ADARB2: variants seen among roughly 807,000 people sequenced by gnomAD.
The protein encoded by ADARB2 is adenosine deaminase RNA specific B2 (inactive), also known as inactive double-stranded RNA-specific editase B2.
In ADARB2, 25 loss-of-function variants were observed where a neutral mutation model predicts 62.2. The ratio of observed to expected loss-of-function variants is 0.40; its 90% confidence interval spans 0.29 to 0.56. The LOEUF is 0.56. Among genes scored for constraint, ADARB2 ranks in the 20% least tolerant of loss-of-function variants. ADARB2 has a pLI of 0.43. For missense variants in ADARB2, 1,071 were observed against 1,077.4 expected, an observed-to-expected ratio of 0.99 and a Z score of 0.08; for synonymous variants, 572 against 500.8, an observed-to-expected ratio of 1.14 and a Z score of -1.90.
intron 1 of ADARB2, among the ~76,000 whole-genome samples, chr10:1,634,218 C>T (rs1267077548): frequency 6.6e-6 from 1 of 152,208 alleles, no homozygotes; most frequent in Admixed American, 6.5e-5. Context: ...CGAAAGTGGA[C>T]TCAATGGCCC....
chr10:1,406,282 C>T (rs929099824), intron 1 of ADARB2, among the ~76,000 whole-genome samples: 2 of 152,208 alleles, frequency 1.3e-5, no homozygotes, highest in African/African-American at 4.8e-5. Context: ...TCCCCAGGGG[C>T]TCAGGCAGGG....
chr10:1,357,660 C>T lies in ADARB2; in HGVS notation c.1077+5368G>A, dbSNP rs538198670. Among the ~76,000 whole-genome samples the T allele has an allele frequency of 9.9e-5, 15 of 152,276 alleles. No individual in the cohort carries two copies. The South Asian group carries it at 1.7e-3, about 17-fold the overall frequency. ...AAAACACCTTCACCCAGGATGGGAG[C>T]GACATGAGCCATCAGGCCTTTTATT... On this transcript the variant is annotated intron_variant, in intron 3 of 9. Coordinates refer to ENST00000381312, the MANE Select transcript of ADARB2 (RefSeq NM_018702.4).
chr10:1,576,044 G>C (rs1215464206), intron 1 of ADARB2, among the ~76,000 whole-genome samples: 1 of 31,468 alleles, frequency 3.2e-5, no homozygotes, highest in Admixed American at 2.2e-4. Context: ...CTCGGCGGGG[G>C]GGTCAGGGTC....
At chr10:1,244,765 C>T (rs186958399) in intron 4 of ADARB2, among the ~76,000 whole-genome samples, 4 of 152,260 alleles carry the variant, frequency 2.6e-5, no homozygotes, top group Middle Eastern at 3.4e-3. Context: ...AAGGGAGAGA[C>T]GGACTCACAC....
At chr10:1,728,663 T>A (rs1835195642) in intron 1 of ADARB2, among the ~76,000 whole-genome samples, 2 of 152,220 alleles carry the variant, frequency 1.3e-5, no homozygotes, top group South Asian at 4.1e-4. Flanking sequence ...TTACATAAAA[T>A]TATATGAACT....
intron 2 of ADARB2, among the ~76,000 whole-genome samples, chr10:1,364,936 G>A (rs895611397): frequency 1.3e-5 from 2 of 149,536 alleles, no homozygotes; most frequent in African/African-American, 2.5e-5. Context: ...GCAGTGGCGC[G>A]ATCTTGGCCC....
At chr10:1,274,813 G>A (rs1231843152) in intron 3 of ADARB2, among the ~76,000 whole-genome samples, 5 of 152,232 alleles carry the variant, frequency 3.3e-5, no homozygotes, top group Non-Finnish European at 7.3e-5. Flanking sequence ...TACCCCAGCT[G>A]CCTTGACCTT....
intron 1 of ADARB2, among the ~76,000 whole-genome samples, chr10:1,463,385 G>A (rs933604756): frequency 5.3e-5 from 8 of 152,320 alleles, no homozygotes; most frequent in Non-Finnish European, 8.8e-5. Context: ...TCCGTGTGTC[G>A]TTGGCAAAGA....
intron 1 of ADARB2, among the ~76,000 whole-genome samples, chr10:1,448,096 A>T (rs1216888986): frequency 6.6e-6 from 1 of 152,190 alleles, no homozygotes; most frequent in East Asian, 1.9e-4. Flanking sequence ...TATAGGCTAA[A>T]TTGATGTTCT....
chr10:1,676,920 G>A (rs1834473386), intron 1 of ADARB2, among the ~76,000 whole-genome samples: 1 of 152,140 alleles, frequency 6.6e-6, no homozygotes, highest in South Asian at 2.1e-4. Context: ...CTGTGGAGTG[G>A]AGGGCCCACA....
rs183562458 is a variant in ADARB2, at chr10:1,687,343, G to A, written c.100+49708C>T. On this transcript the variant is annotated intron_variant, in intron 1 of 9. Transcript: ENST00000381312. ...GCCCAGGCGTGACATTTCTGTCACAGGGACTCCAGAGGTGGCTTCTCCTCC... is the reference window on the plus strand; with the variant it reads ...GCCCAGGCGTGACATTTCTGTCACAAGGACTCCAGAGGTGGCTTCTCCTCC... Among the ~76,000 whole-genome samples the A allele has an allele frequency of 2.4e-3, 358 of 150,350 alleles. 2 individuals carry two copies. The highest frequency in any genetic ancestry group is 3.6e-3 in the Non-Finnish European group (242 of 68,012).
intron 1 of ADARB2, among the ~76,000 whole-genome samples, chr10:1,694,113 T>G (rs1294360487): frequency 2.0e-5 from 3 of 152,238 alleles, no homozygotes; most frequent in Admixed American, 2.0e-4. Flanking sequence ...TCATGTAATT[T>G]TTCTGGTTCT....
At chr10:1,488,864 G>T (rs1479380042) in intron 1 of ADARB2, among the ~76,000 whole-genome samples, 1 of 152,168 alleles carries the variant, frequency 6.6e-6, no homozygotes, top group African/African-American at 2.4e-5. Flanking sequence ...AGAAGGAGAT[G>T]GTTTCTTCTT....
In ADARB2 at chr10:1,731,242, GT is replaced by G. The variant is rs1401948470; in HGVS notation, c.100+5808del. Among the ~76,000 whole-genome samples the G allele has an allele frequency of 2.6e-5, 4 of 152,332 alleles. No individual in the cohort carries two copies. The East Asian group carries it at 7.7e-4, about 29-fold the overall frequency. On this transcript the variant is annotated intron_variant, in intron 1 of 9. Transcript: ENST00000381312. ...TGGAGATTCAGGGCCTACGAGCCCTGTTTGCTAGGGCGTTGCTTAAACAATG... is the reference window on the plus strand; with the variant it reads ...TGGAGATTCAGGGCCTACGAGCCCTGTTGCTAGGGCGTTGCTTAAACAATG...
In ADARB2 at chr10:1,338,918, C is replaced by T. The variant is rs778052911; in HGVS notation, c.1077+24110G>A. Among the ~76,000 whole-genome samples the T allele has an allele frequency of 2.6e-5, 4 of 152,186 alleles. No homozygotes were observed. The East Asian group carries it at 5.8e-4, about 22-fold the overall frequency. On this transcript the variant is annotated intron_variant, in intron 3 of 9. Coordinates refer to ENST00000381312, the MANE Select transcript of ADARB2 (RefSeq NM_018702.4). Reference sequence around the variant, plus strand: ...ACATTTGTCTCATTCCCAGCAGCTCCGGACCTTGAGGGCTGATCTTCCCAA... The same window carrying T: ...ACATTTGTCTCATTCCCAGCAGCTCTGGACCTTGAGGGCTGATCTTCCCAA...
chr10:1,242,394 G>C, intron 4 of ADARB2, 95 bp from the exon 5 acceptor site: 3 of 1,406,298 alleles, frequency 2.1e-6, no homozygotes, highest in East Asian at 2.5e-5. Flanking sequence ...GGTTTCCCTG[G>C]GTTAGGAAAC....
chr10:1,561,946 T>C (rs983546603), intron 1 of ADARB2, among the ~76,000 whole-genome samples: 1 of 152,220 alleles, frequency 6.6e-6, no homozygotes, highest in Admixed American at 6.5e-5. Context: ...CCTGGAAATA[T>C]GCAAATCAGA....
intron 1 of ADARB2, among the ~76,000 whole-genome samples, chr10:1,501,389 T>C (rs1831767029): frequency 6.6e-6 from 1 of 152,204 alleles, no homozygotes; most frequent in Non-Finnish European, 1.5e-5. Flanking sequence ...TTCTCCTCAA[T>C]GTGCCACACA....
intron 3 of ADARB2, among the ~76,000 whole-genome samples, chr10:1,324,824 A>G (rs536896751): frequency 3.9e-4 from 60 of 152,236 alleles, no homozygotes; most frequent in Admixed American, 2.5e-3. Context: ...CACACAACCT[A>G]CACCTGGGAT....
Sources: allele counts gnomAD v4.1 joint callset (sites outside exome capture counted in the v4.1 genomes callset), GRCh38; gene constraint gnomAD v4.1.1; transcripts MANE v1.5; gene names NCBI Gene and HGNC (gene_info 2026-07-23, HGNC 2026-07-21).